Variants in PTTG1 observed in about 807,000 individuals in gnomAD.
The protein encoded by PTTG1 is PTTG1 regulator of sister chromatid separation, securin, also known as securin.
In PTTG1, 8 loss-of-function variants were observed where a neutral mutation model predicts 20.0. The observed-to-expected ratio is 0.40, with a 90% CI of 0.23 to 0.72. The LOEUF is 0.72. Among genes scored for constraint, PTTG1 ranks in the 30% least tolerant of loss-of-function variants. PTTG1 has a pLI of 0.38. For synonymous variants in PTTG1, 79 were observed against 87.2 expected, an observed-to-expected ratio of 0.91 and a Z score of 0.52; for missense variants, 197 against 236.0, an observed-to-expected ratio of 0.83 and a Z score of 1.08.
At position 160,422,485 on chromosome 5, in the gene PTTG1, G is replaced by A. The variant is rs1346503817; in HGVS notation, c.91+82G>A. 1.8e-5 allele frequency: 24 copies of A among 1,298,206 alleles called. No homozygotes were observed. In the Admixed American group the frequency reaches 4.3e-4, roughly 23 times the overall value. The allele number at this position is 1,298,206 out of a possible 1,614,324, so 80.4% of individuals were successfully genotyped here. On this transcript the variant is annotated intron_variant, in intron 2 of 5. Coordinates refer to ENST00000352433, the MANE Select transcript of PTTG1 (RefSeq NM_004219.4). ...GGACGAGACATTTAGTGTACTTTTT[G>A]GGCAATTGGAGTCGTTTGTTATTGG...
intron 4 of PTTG1, among the ~76,000 whole-genome samples, chr5:160,427,335 C>A (rs1765825775): frequency 6.6e-6 from 1 of 152,164 alleles, no homozygotes; most frequent in African/African-American, 2.4e-5. Flanking sequence ...TGGCATACTT[C>A]TCATTTTATC....
At chr5:160,426,693 C>A (rs1043693697) in intron 4 of PTTG1, among the ~76,000 whole-genome samples, 2 of 152,206 alleles carry the variant, frequency 1.3e-5, no homozygotes. Flanking sequence ...CACAACTGAT[C>A]TCATCAGAAA....
chr5:160,422,757 G>T lies in PTTG1; in HGVS notation c.140G>T (p.Gly47Val), dbSNP rs1222388861. 1.2e-6 allele frequency: 2 copies of T among 1,613,984 alleles called. No homozygotes were observed. The highest frequency in any genetic ancestry group is 1.7e-6 in the Non-Finnish European group (2 of 1,179,990). Residue 47 changes from glycine to valine, a missense_variant, in exon 3 of 6, where the codon GGC becomes GTC. Physicochemically the swap from Gly to Val is moderately radical, Grantham distance 109 (BLOSUM62 -3). Transcript: ENST00000352433. Reference protein sequence around the residue: ...GRSQVSTPRFGKTFDAPPALP... With the variant: ...GRSQVSTPRFVKTFDAPPALP... ...TCTCAAGTTTCAACACCACGTTTTG[G>T]CAAAACGTTCGATGCCCCACCAGCC... is the stretch of plus-strand genomic sequence containing the variant.
chr5:160,428,742 C>A (rs1483650520), downstream of PTTG1: 7 of 1,473,032 alleles, frequency 4.8e-6, no homozygotes, highest in African/African-American at 1.4e-5. Context: ...TTAACAGATT[C>A]TTCCTAGTAT....
rs1765769921 is a variant in PTTG1, at chr5:160,424,292, A to G, written c.332A>G (p.Tyr111Cys). The change falls in exon 4 of 6, where the codon TAT becomes TGT. Residue 111 changes from tyrosine to cysteine, a missense_variant. Coordinates refer to ENST00000352433, the MANE Select transcript of PTTG1 (RefSeq NM_004219.4). Reference protein sequence around the residue: ...KSSVPASDDAYPEIEKFFPFN... With the variant: ...KSSVPASDDACPEIEKFFPFN... ...TCTGTTCCTGCCTCAGATGATGCCT[A>G]TCCAGAAATAGAAAAATTCTTTCCC... 1 of 1,612,514 alleles carries G rather than the reference A, an allele frequency of 6.2e-7. No individual in the cohort carries two copies. The highest frequency in any genetic ancestry group is 8.5e-7 in the Non-Finnish European group (1 of 1,178,712).
chr5:160,427,668 A>C (rs773579683), intron 4 of PTTG1, 47 bp from the exon 5 acceptor site: 133 of 1,591,812 alleles, frequency 8.4e-5, no homozygotes, highest in Non-Finnish European at 1.1e-4. Flanking sequence ...TCTACAGCCC[A>C]CACTAAGAAC....
intron 5 of PTTG1, 149 bp from the exon 6 acceptor site, chr5:160,428,453 A>AT: frequency 5.8e-6 from 4 of 690,580 alleles, no homozygotes; most frequent in Non-Finnish European, 5.0e-6. Context: ...CCACAGACAC[A>AT]TTCCAAAAAA....
chr5:160,424,212 C>G (rs1445129445), intron 3 of PTTG1, 25 bp from the exon 4 acceptor site: 1 of 1,540,462 alleles, frequency 6.5e-7, no homozygotes, highest in South Asian at 1.1e-5. Context: ...CTGTCACTAA[C>G]CCATATTTTC....
chr5:160,421,981 G>C (rs1283902091), intron 1 of PTTG1, 90 bp downstream of exon 1: 1 of 179,976 alleles, frequency 5.6e-6, no homozygotes, highest in Non-Finnish European at 1.2e-5. Flanking sequence ...GCTGAAGCTG[G>C]GGCTGGGGTT....
chr5:160,423,750 A>G (rs189639560), intron 3 of PTTG1, among the ~76,000 whole-genome samples: 30 of 152,320 alleles, frequency 2.0e-4, no homozygotes, highest in African/African-American at 7.2e-4. Flanking sequence ...TCCAGACTAG[A>G]AGATTGCCCA....
intron 2 of PTTG1, 85 bp from the exon 3 acceptor site, chr5:160,422,624 G>T (rs761235058): frequency 6.6e-7 from 1 of 1,503,888 alleles, no homozygotes; most frequent in Admixed American, 1.7e-5. Context: ...GTTTGGGGGT[G>T]AGAGGTCAAG....
chr5:160,427,303 G>A (rs1765825253), intron 4 of PTTG1, among the ~76,000 whole-genome samples: 1 of 152,120 alleles, frequency 6.6e-6, no homozygotes, highest in Non-Finnish European at 1.5e-5. Context: ...ATCGTATTTT[G>A]GTGTACAGTG....
chr5:160,426,379 G>A (rs1765809730), intron 4 of PTTG1, among the ~76,000 whole-genome samples: 1 of 152,134 alleles, frequency 6.6e-6, no homozygotes, highest in African/African-American at 2.4e-5. Context: ...AAGAAAACCT[G>A]GCTTCACACA....
At chr5:160,423,634 C>T (rs1209133129) in intron 3 of PTTG1, among the ~76,000 whole-genome samples, 4 of 152,166 alleles carry the variant, frequency 2.6e-5, no homozygotes, top group African/African-American at 9.7e-5. Context: ...AGTGTGAGAA[C>T]CCCATAGGGA....
Position 160,422,372 on chromosome 5 carries a change from T to G in PTTG1, c.60T>G (p.Ala20=). The change falls in exon 2 of 6, where the codon GCT becomes GCG. Residue 20 remains alanine, a synonymous_variant. Transcript: ENST00000352433. Reference sequence around the variant, plus strand: ...GAGAACCAGGCACCCGTGTGGTTGCTAAGGATGGGCTGAAGCTGGGGTCTG... The same window carrying G: ...GAGAACCAGGCACCCGTGTGGTTGCGAAGGATGGGCTGAAGCTGGGGTCTG... ...ENGEPGTRVV[A]KDGLKLGSGP... 2 of 1,613,916 alleles carry G rather than the reference T, an allele frequency of 1.2e-6. No individual in the cohort carries two copies. The highest frequency in any genetic ancestry group is 1.7e-6 in the Non-Finnish European group (2 of 1,179,962).
chr5:160,425,711 A>G lies in PTTG1; in HGVS notation c.370+1381A>G, dbSNP rs1368936598. Among the ~76,000 whole-genome samples the G allele has an allele frequency of 3.3e-5, 5 of 152,136 alleles. No individual in the cohort carries two copies. In the South Asian group the frequency reaches 6.2e-4, roughly 19 times the overall value. On this transcript the variant is annotated intron_variant, in intron 4 of 5. Transcript: ENST00000352433. ...TAAAATTAGCTCCCCTTATATTGCA[A>G]ACTTCTTTCCTCTGGAGTCTTCTGT...
rs1270736176 is a variant in PTTG1, at chr5:160,422,405, T to C, written c.91+2T>C. On this transcript the variant is annotated splice_donor_variant, in intron 2 of 5. Transcript: ENST00000352433. LOFTEE classifies it high-confidence loss of function. ...GGCTGAAGCTGGGGTCTGGACCTTG[T>C]AAGTATACAAGGCTGCAGTCGGATA... 5 of 1,612,932 alleles carry C rather than the reference T, an allele frequency of 3.1e-6. No homozygotes were observed. The highest frequency in any genetic ancestry group is 1.3e-5 in the African/African-American group (1 of 74,904).
intron 3 of PTTG1, 34 bp downstream of exon 3, chr5:160,422,927 C>T (rs1338892970): frequency 6.2e-7 from 1 of 1,600,498 alleles, no homozygotes; most frequent in Non-Finnish European, 8.6e-7. Context: ...TGTTTAAACA[C>T]TTAAGCACTT....
chr5:160,421,951 G>C (rs1554083215), intron 1 of PTTG1, 60 bp downstream of exon 1: 2 of 193,864 alleles, frequency 1.0e-5, no homozygotes, highest in Non-Finnish European at 2.2e-5. Flanking sequence ...GGAAGGAGGC[G>C]GGCTGCGGCT....
Sources: gnomAD v4.1 joint callset for allele counts (sites outside exome capture counted in the v4.1 genomes callset) on GRCh38, gnomAD v4.1.1 for gene constraint, MANE v1.5 for transcripts, NCBI Gene and HGNC (gene_info 2026-07-23, HGNC 2026-07-21) for gene names.